The following NCALD variants were observed in gnomAD, a reference collection of about 807,000 sequenced individuals.
NCALD encodes neurocalcin-delta.
NCALD carries 10 observed loss-of-function variants against 18.6 expected under a neutral mutation model. The observed-to-expected ratio is 0.54, with a 90% CI of 0.33 to 0.91. NCALD has a LOEUF of 0.91. Ranked by LOEUF, NCALD falls within the 40% of genes least tolerant of loss-of-function variation. The probability of loss-of-function intolerance (pLI) is 0.03; values close to 1 mark genes in which losing one functional copy is unlikely to be tolerated. For synonymous variants in NCALD, 88 were observed against 87.4 expected (o/e 1.01, Z -0.04); for missense variants, 184 against 247.6 (o/e 0.74, Z 1.72).
At chr8:101,836,020 A>G (rs1814397662) in intron 4 of NCALD, among the ~76,000 whole-genome samples, 1 of 152,094 alleles carries the variant, frequency 6.6e-6, no homozygotes, top group South Asian at 2.1e-4. Context: ...AAGCTCTCCA[A>G]CAAAGATGCA....
At chr8:101,698,019 T>C (rs1815083433) in intron 2 of NCALD, among the ~76,000 whole-genome samples, 1 of 152,200 alleles carries the variant, frequency 6.6e-6, no homozygotes. Flanking sequence ...ATGACATGAT[T>C]CTATATTTAG....
chr8:101,999,008 T>C (rs1451136526), intron 2 of NCALD, among the ~76,000 whole-genome samples: 1 of 150,740 alleles, frequency 6.6e-6, no homozygotes, highest in East Asian at 2.0e-4. Context: ...AATATTCCTC[T>C]TTTCTAACTT....
At chr8:101,804,532 A>C (rs1436962153) in intron 4 of NCALD, among the ~76,000 whole-genome samples, 1 of 124,602 alleles carries the variant, frequency 8.0e-6, no homozygotes, top group Non-Finnish European at 1.5e-5. Flanking sequence ...AAGATTATAT[A>C]ATATATAATT....
rs75387373 is a variant in NCALD at position 101,788,005 on chromosome 8, T to C, written c.-20+2857A>G. ...AACCCCTGTCTAACCAGGTAAGGGTTTCCCAATCCAGGGGACATAAGACTG... is the reference window on the plus strand; with the variant it reads ...AACCCCTGTCTAACCAGGTAAGGGTCTCCCAATCCAGGGGACATAAGACTG... On this transcript the variant is annotated intron_variant, in intron 1 of 3. Coordinates refer to ENST00000220931, the MANE Select transcript of NCALD (RefSeq NM_032041.3). 7.5e-3 allele frequency among the ~76,000 whole-genome samples: 1,136 copies of C among 152,302 alleles called. 16 individuals carry two copies. Among genetic ancestry groups the C allele is most frequent in the African/African-American group, 0.026 (1,079 of 41,564 alleles).
chr8:101,838,992 C>T (rs528835925), intron 4 of NCALD, among the ~76,000 whole-genome samples: 1 of 152,322 alleles, frequency 6.6e-6, no homozygotes, highest in East Asian at 1.9e-4. Context: ...TGGGGAAACT[C>T]TCCTTCTCTT....
At chr8:101,915,978 C>T (rs1332525115) in intron 2 of NCALD, 3 of 152,102 alleles carry the variant, frequency 2.0e-5, no homozygotes, top group African/African-American at 7.2e-5. Flanking sequence ...CATCCCATGA[C>T]ATGATTTACT....
At chr8:102,104,581 G>T (rs972725185) in intron 1 of NCALD, among the ~76,000 whole-genome samples, 1 of 152,098 alleles carries the variant, frequency 6.6e-6, no homozygotes, top group Non-Finnish European at 1.5e-5. Context: ...ATAAGAATCA[G>T]CCTGTGGTCC....
chr8:101,872,155 T>C, intron 4 of NCALD: 14 of 1,607,422 alleles, frequency 8.7e-6, no homozygotes, highest in Non-Finnish European at 1.2e-5. Context: ...ACTGAGGTGC[T>C]GATTTATCAG....
intron 1 of NCALD, among the ~76,000 whole-genome samples, chr8:102,055,332 C>T (rs1482047247): frequency 6.6e-6 from 1 of 151,906 alleles, no homozygotes; most frequent in Non-Finnish European, 1.5e-5. Context: ...GGAGGTGCAG[C>T]CACTGCTCCT....
At chr8:101,981,452 C>T (rs112347384) in intron 2 of NCALD, among the ~76,000 whole-genome samples, 5,159 of 152,224 alleles carry the variant, frequency 0.034, 109 homozygotes, top group African/African-American at 0.057. Flanking sequence ...CATTTTATAA[C>T]CTTTCTTTCC....
intron 1 of NCALD, chr8:101,779,879 T>C (rs528079708): frequency 6.6e-6 from 1 of 152,314 alleles, no homozygotes; most frequent in South Asian, 2.1e-4. Flanking sequence ...AGTTTGATCT[T>C]TAATTTTTAA....
chr8:102,023,205 T>C (rs1480844006), intron 1 of NCALD, among the ~76,000 whole-genome samples: 1 of 152,200 alleles, frequency 6.6e-6, no homozygotes, highest in Non-Finnish European at 1.5e-5. Context: ...CTTTCCTGAA[T>C]TTAGAGATGA....
At position 102,044,410 on chromosome 8, in the gene NCALD, G is replaced by A. The variant is rs76412073; in HGVS notation, c.-209-24121C>T. Among the ~76,000 whole-genome samples, 699 of 152,168 alleles carry A rather than the reference G, an allele frequency of 4.6e-3. 13 individuals are homozygous for A. Among genetic ancestry groups the A allele is most frequent in the African/African-American group, 0.016 (651 of 41,468 alleles). On this transcript the variant is annotated intron_variant, in intron 1 of 6. Coordinates refer to the NCALD transcript ENST00000311028. ...GCATAACTTCTACAGGCATGAGAAG[G>A]GTGAGGCCATATTTCATTCCACAAA...
chr8:101,871,263 G>C (rs1398839330), intron 4 of NCALD, among the ~76,000 whole-genome samples: 2 of 152,080 alleles, frequency 1.3e-5, no homozygotes, highest in African/African-American at 4.8e-5. Context: ...TTTTGGAGAG[G>C]ATGGTAATGA....
intron 2 of NCALD, among the ~76,000 whole-genome samples, chr8:101,943,003 C>T (rs1819015529): frequency 2.0e-5 from 3 of 152,108 alleles, no homozygotes; most frequent in Admixed American, 1.3e-4. Flanking sequence ...TGAGAAGGGG[C>T]ATTTGAGCTG....
chr8:102,081,831 A>G (rs1380319955), intron 1 of NCALD, among the ~76,000 whole-genome samples: 2 of 152,226 alleles, frequency 1.3e-5, no homozygotes, highest in African/African-American at 4.8e-5. Flanking sequence ...TTTTACCAAC[A>G]CAAGCCTAAG....
chr8:102,026,028 G>A (rs190637415), intron 1 of NCALD, among the ~76,000 whole-genome samples: 1 of 152,234 alleles, frequency 6.6e-6, no homozygotes, highest in East Asian at 1.9e-4. Context: ...AAAACCATCA[G>A]ATATTGTAAG....
chr8:102,106,466 T>TATATATACAC (rs1554598545), intron 1 of NCALD, among the ~76,000 whole-genome samples: 2 of 139,106 alleles, frequency 1.4e-5, no homozygotes, highest in Non-Finnish European at 3.1e-5. Flanking sequence ...TATATATATA[T>TATATATACAC]ACACACACAC....
At chr8:101,953,930 A>G (rs1401926685) in intron 2 of NCALD, among the ~76,000 whole-genome samples, 1 of 152,232 alleles carries the variant, frequency 6.6e-6, no homozygotes, top group African/African-American at 2.4e-5. Context: ...CTGAAATAAG[A>G]GAAGTCTTGT....
Sources: allele counts gnomAD v4.1 joint callset (sites outside exome capture counted in the v4.1 genomes callset), GRCh38; gene constraint gnomAD v4.1.1; transcripts MANE v1.5; gene names NCBI Gene and HGNC (gene_info 2026-07-23, HGNC 2026-07-21).